Variants in AGR3 observed in about 807,000 individuals in gnomAD.
AGR3 encodes anterior gradient protein 3.
A neutral mutation model predicts 24.5 loss-of-function variants in AGR3; 37 were observed. The ratio of observed to expected loss-of-function variants is 1.51; its 90% CI spans 1.16 to 1.99. The LOEUF is 1.99. AGR3 is among the 30% of genes most tolerant of loss of function. The pLI is 0.00. For synonymous variants in AGR3, 75 were observed against 61.6 expected, an observed-to-expected ratio of 1.22 and a Z score of -1.02; for missense variants, 228 against 191.1, an observed-to-expected ratio of 1.19 and a Z score of -1.14.
chr7:16,872,966 G>T (rs1477126086), intron 3 of AGR3, among the ~76,000 whole-genome samples: 1 of 152,188 alleles, frequency 6.6e-6, no homozygotes, highest in Non-Finnish European at 1.5e-5. Context: ...TGCTGGTGAG[G>T]ATGCAGAGAA....
chr7:16,859,119 C>T (rs182261949), downstream of AGR3, among the ~76,000 whole-genome samples: 2 of 151,584 alleles, frequency 1.3e-5, no homozygotes, highest in Non-Finnish European at 2.9e-5. Flanking sequence ...GTGGTTAGAC[C>T]AGGAACAGTG....
intron 1 of AGR3, among the ~76,000 whole-genome samples, chr7:16,880,310 A>G (rs1782085455): frequency 6.6e-6 from 1 of 150,634 alleles, no homozygotes; most frequent in African/African-American, 2.4e-5. Context: ...ACAGGTGTCC[A>G]CCATCATGCC....
At chr7:16,881,572 G>A (rs1269554313) in intron 1 of AGR3, among the ~76,000 whole-genome samples, 1 of 152,100 alleles carries the variant, frequency 6.6e-6, no homozygotes, top group African/African-American at 2.4e-5. Context: ...TGGTCAATTA[G>A]CATTTTATGA....
At chr7:16,876,313 T>C (rs1351609955) in intron 2 of AGR3, among the ~76,000 whole-genome samples, 1 of 152,222 alleles carries the variant, frequency 6.6e-6, no homozygotes, top group Non-Finnish European at 1.5e-5. Context: ...TGAGATTTTA[T>C]TCATTTATCT....
chr7:16,859,539 G>A lies in AGR3; in HGVS notation c.*43C>T, dbSNP rs1487677986. On this transcript the variant is annotated 3_prime_UTR_variant, in exon 8 of 8. Transcript: ENST00000310398. ...TCAATGTGCCAGAGGTTTTCTTCAT[G>A]AAATTTGACTTCTTTGAAGTGAAGG... is the stretch of plus-strand genomic sequence containing the variant. The A allele has an allele frequency of 1.5e-6, 2 of 1,373,936 alleles. No homozygotes were observed. The highest frequency in any genetic ancestry group is 2.0e-5 in the Admixed American group (1 of 50,888). 85.1% of individuals were successfully genotyped at this position (1,373,936 alleles called of 1,614,324 possible). A position where few individuals can be genotyped will look rare whatever the true frequency, so the allele number is the denominator to read the frequency against.
intron 2 of AGR3, among the ~76,000 whole-genome samples, chr7:16,877,570 G>A (rs1451746646): frequency 6.7e-6 from 1 of 148,356 alleles, no homozygotes; most frequent in Non-Finnish European, 1.5e-5. Flanking sequence ...CTAACTTTGA[G>A]AATATTTTCT....
intron 1 of AGR3, among the ~76,000 whole-genome samples, chr7:16,880,384 C>A (rs2115320542): frequency 6.6e-6 from 1 of 152,048 alleles, no homozygotes; most frequent in African/African-American, 2.4e-5. Flanking sequence ...TGATCTCAAA[C>A]TCCTGACCTC....
chr7:16,878,438 A>G, intron 2 of AGR3, 72 bp downstream of exon 2: 1 of 1,313,990 alleles, frequency 7.6e-7, no homozygotes, highest in Non-Finnish European at 1.1e-6. Context: ...TTAGACTATG[A>G]GTGAAGACAC....
chr7:16,865,206 T>A (rs2115303136), intron 3 of AGR3: 6 of 766,376 alleles, frequency 7.8e-6, no homozygotes, highest in Middle Eastern at 2.9e-4. Context: ...TTGTTTTGAT[T>A]TTGACAGCGT....
At chr7:16,874,537 A>G (rs952460856) in intron 2 of AGR3, among the ~76,000 whole-genome samples, 32 of 151,974 alleles carry the variant, frequency 2.1e-4, no homozygotes, top group African/African-American at 7.0e-4. Flanking sequence ...AATGTGCAGA[A>G]CCTCCAAAAA....
rs771726960 is a variant in AGR3, at chr7:16,860,490, G to A, written c.451+10C>T. 1 of 1,600,880 alleles carries A rather than the reference G, an allele frequency of 6.2e-7. No individual in the cohort carries two copies. Among genetic ancestry groups the A allele is most frequent in the Admixed American group, 1.7e-5 (1 of 59,986 alleles). ...ATGACCACTGTTTGAGATCATTTGT[G>A]AATACTTACATAGGGGTAAATCCCG... On this transcript the variant is annotated intron_variant, in intron 7 of 7. Transcript: ENST00000310398.
Position 16,861,458 on chromosome 7 carries a change from A to G in AGR3, c.304-11T>C. ...ATCAGTGGTTTCATGCTAGCAGGAG[A>G]AGAAAAAAAAAGAATGTTATTGGAT... is the stretch of plus-strand genomic sequence containing the variant. On this transcript the variant is annotated splice_polypyrimidine_tract_variant and intron_variant, in intron 5 of 7. Coordinates refer to ENST00000310398, the MANE Select transcript of AGR3 (RefSeq NM_176813.5). 6.3e-7 allele frequency: 1 copy of G among 1,595,664 alleles called. No homozygotes were observed. Among genetic ancestry groups the G allele is most frequent in the East Asian group, 2.2e-5 (1 of 44,668 alleles).
intron 3 of AGR3, 75 bp from the exon 4 acceptor site, chr7:16,862,737 A>G: frequency 9.8e-7 from 1 of 1,020,510 alleles, no homozygotes; most frequent in Non-Finnish European, 1.4e-6. Flanking sequence ...TAGATTTAAA[A>G]TTTTATTAGC....
chr7:16,858,854 T>A (rs1466443070), downstream of AGR3, among the ~76,000 whole-genome samples: 1 of 152,200 alleles, frequency 6.6e-6, no homozygotes, highest in East Asian at 1.9e-4. Flanking sequence ...CACTCCAGCC[T>A]GGGCAACAGA....
intron 3 of AGR3, among the ~76,000 whole-genome samples, chr7:16,869,820 A>G (rs1195934361): frequency 2.6e-5 from 4 of 151,598 alleles, no homozygotes; most frequent in African/African-American, 9.7e-5. Flanking sequence ...TTTATTTACA[A>G]GTAATATACT....
At chr7:16,880,082 T>C (rs199507804) in intron 1 of AGR3, among the ~76,000 whole-genome samples, 126 of 134,418 alleles carry the variant, frequency 9.4e-4, no homozygotes, top group African/African-American at 3.4e-3. Context: ...CCCTTCCTTC[T>C]TTCCCCTTCC....
downstream of AGR3, among the ~76,000 whole-genome samples, chr7:16,856,972 A>G (rs755277047): frequency 1.7e-3 from 204 of 120,740 alleles, no homozygotes; most frequent in Admixed American, 6.4e-3. Flanking sequence ...TACAATATAG[A>G]AAGGTTTTTT....
chr7:16,881,464 G>C (rs934104055), intron 1 of AGR3, among the ~76,000 whole-genome samples: 1 of 152,092 alleles, frequency 6.6e-6, no homozygotes, highest in Non-Finnish European at 1.5e-5. Flanking sequence ...CTACTTGGGG[G>C]AACACAGATA....
intron 3 of AGR3, 46 bp downstream of exon 3, chr7:16,873,734 G>C (rs1781928587): frequency 7.3e-7 from 1 of 1,367,324 alleles, no homozygotes; most frequent in Non-Finnish European, 1.0e-6. Flanking sequence ...ATTATTATGA[G>C]TCTACTACAA....
Sources: allele counts gnomAD v4.1 joint callset (sites outside exome capture counted in the v4.1 genomes callset), GRCh38; gene constraint gnomAD v4.1.1; transcripts MANE v1.5; gene names NCBI Gene and HGNC (gene_info 2026-07-23, HGNC 2026-07-21).